Variants in DYNC1H1 observed in about 807,000 individuals in gnomAD.
DYNC1H1 encodes the protein dynein cytoplasmic 1 heavy chain 1.
Under a neutral mutation model 527.1 loss-of-function variants are expected in DYNC1H1, and 51 were observed. The ratio of observed to expected loss-of-function variants is 0.10; its 90% CI spans 0.08 to 0.12. The LOEUF (loss-of-function observed/expected upper bound fraction) is 0.12. Among genes scored for constraint, DYNC1H1 ranks in the 10% least tolerant of loss-of-function variants. DYNC1H1 has a pLI of 1.00. For missense variants in DYNC1H1, 2,771 were observed against 5,971.8 expected, an observed-to-expected ratio of 0.46 and a Z score of 17.66; for synonymous variants, 2,189 against 2,278.8, an observed-to-expected ratio of 0.96 and a Z score of 1.12.
intron 10 of DYNC1H1, among the ~76,000 whole-genome samples, chr14:101,990,446 TA>T (rs1230466348): frequency 2.6e-4 from 40 of 152,296 alleles, no homozygotes; most frequent in Non-Finnish European, 5.6e-4. Context: ...CTGTCTGACT[TA>T]TGTTCTTTTG....
At position 102,047,999 on chromosome 14, in the gene DYNC1H1, C is replaced by T. The variant is rs2152600243; in HGVS notation, c.13189C>T (p.His4397Tyr). 6.2e-7 allele frequency: 1 copy of T among 1,612,098 alleles called. No homozygotes were observed. Among genetic ancestry groups the T allele is most frequent in the Non-Finnish European group, 8.5e-7 (1 of 1,179,942 alleles). Residue 4397 changes from histidine (H) to tyrosine (Y), a missense_variant, in exon 73 of 78, where the codon CAC becomes TAC. His to Tyr is a moderately conservative substitution (Grantham distance 83). Coordinates refer to ENST00000360184, the MANE Select transcript of DYNC1H1 (RefSeq NM_001376.5). ...GCACCTCATCCCCCAGACGCTGAGC[C>T]ACCTCAAGCGCACCGTGGAGAATAT... is the stretch of plus-strand genomic sequence containing the variant. ...WLHLIPQTLSHLKRTVENIKD... is the reference protein window; with the variant it reads ...WLHLIPQTLSYLKRTVENIKD...
Position 101,979,551 on chromosome 14 carries a change from T to G in DYNC1H1, c.518+59T>G, listed in dbSNP as rs2047839706. 3 of 1,612,382 alleles carry G rather than the reference T, an allele frequency of 1.9e-6. No homozygotes were observed. The highest frequency in any genetic ancestry group is 1.7e-5 in the Admixed American group (1 of 59,980). Reference sequence around the variant, plus strand: ...TAATGTTCACAAGATAGTATAGAACTCGGTGTAAAACTTGGGAATTGGGAG... The same window carrying G: ...TAATGTTCACAAGATAGTATAGAACGCGGTGTAAAACTTGGGAATTGGGAG... On this transcript the variant is annotated intron_variant, in intron 3 of 77. Coordinates refer to ENST00000360184, the MANE Select transcript of DYNC1H1 (RefSeq NM_001376.5). The surrounding 1 kb of genome is among the most constrained non-coding windows in gnomAD (Gnocchi z 4.6).
chr14:102,014,946 G>A (rs938168364), intron 34 of DYNC1H1, among the ~76,000 whole-genome samples, 159 bp from the exon 35 acceptor site: 7 of 152,064 alleles, frequency 4.6e-5, no homozygotes, highest in Non-Finnish European at 1.0e-4. Flanking sequence ...CTCCCAAGTA[G>A]CTGCAATTAC....
In DYNC1H1 at chr14:102,050,464, C is replaced by T. The variant is rs1278937449; in HGVS notation, c.13842C>T (p.Thr4614=). 1 of 1,614,206 alleles carries T rather than the reference C, an allele frequency of 6.2e-7. No individual in the cohort carries two copies. The highest frequency in any genetic ancestry group is 8.5e-7 in the Non-Finnish European group (1 of 1,180,052). The stretch of plus-strand genomic sequence containing the variant: ...CCTTACCTGTCTACCTGAACTTCAC[C>T]CGTGCAGACCTCATCTTCACCGTGG... The part of the protein sequence containing the change: ...VVTLPVYLNF[T]RADLIFTVDF... Residue 4614 remains threonine, a synonymous_variant, in exon 78 of 78, where the codon ACC becomes ACT. Transcript: ENST00000360184.
chr14:101,986,757 A>G lies in DYNC1H1; in HGVS notation c.2532A>G (p.Gln844=), dbSNP rs1174175150. ...TAGCAGAGACTGTCTTCAACTTCCA[A>G]GAAAAGGTATGCTCTCATGTAATCC... is the stretch of plus-strand genomic sequence containing the variant. ...QRLAETVFNF[Q]EKVDDLLIIE... The change falls in exon 8 of 78, where the codon CAA becomes CAG. Residue 844 remains glutamine (Q), a synonymous_variant. Coordinates refer to ENST00000360184, the MANE Select transcript of DYNC1H1 (RefSeq NM_001376.5). The surrounding 1 kb of genome is among the most constrained non-coding windows in gnomAD (Gnocchi z 8.7). 1.2e-6 allele frequency: 2 copies of G among 1,614,192 alleles called. No homozygotes were observed. Among genetic ancestry groups the G allele is most frequent in the South Asian group, 1.1e-5 (1 of 91,084 alleles).
In DYNC1H1 at chr14:102,050,967, G is replaced by C. The variant is rs1230097189; in HGVS notation, c.*404G>C. ...AATGAAGACCTTGGGGCCCTTCACA[G>C]ACACAGATGCAGCCAGCTGTGGCTC... On this transcript the variant is annotated 3_prime_UTR_variant, in exon 78 of 78. Coordinates refer to ENST00000360184, the MANE Select transcript of DYNC1H1 (RefSeq NM_001376.5). The C allele has an allele frequency of 3.3e-6, 1 of 303,478 alleles. No homozygotes were observed. The highest frequency in any genetic ancestry group is 6.4e-6 in the Non-Finnish European group (1 of 157,250). 18.8% of individuals were successfully genotyped at this position (303,478 alleles called of 1,614,324 possible).
intron 9 of DYNC1H1, among the ~76,000 whole-genome samples, chr14:101,988,240 T>C (rs2141276240): frequency 6.6e-6 from 1 of 152,312 alleles, no homozygotes; most frequent in Non-Finnish European, 1.5e-5. Flanking sequence ...GTGTTACCTT[T>C]TCTAGCCCTC....
Position 102,039,688 on chromosome 14 carries a change from C to T in DYNC1H1, c.11646C>T (p.Thr3882=), listed in dbSNP as rs530450786. 1 of 1,614,222 alleles carries T rather than the reference C, an allele frequency of 6.2e-7. No individual in the cohort carries two copies. Among genetic ancestry groups the T allele is most frequent in the South Asian group, 1.1e-5 (1 of 91,088 alleles). The change falls in exon 62 of 78, where the codon ACC becomes ACT. Residue 3882 remains threonine, a synonymous_variant. Coordinates refer to ENST00000360184, the MANE Select transcript of DYNC1H1 (RefSeq NM_001376.5). The surrounding 1 kb of genome is among the most constrained non-coding windows in gnomAD (Gnocchi z 7.0). ...GCATGCTGCATCAGGACCACATTAC[C>T]TTTGCCATGCTGCTGGCAAGAATCA... ...ARGMLHQDHI[T]FAMLLARIKL... is the part of the protein sequence containing the mutation.
intron 18 of DYNC1H1, 103 bp from the exon 19 acceptor site, chr14:102,000,851 G>A (rs1374115096): frequency 9.5e-7 from 1 of 1,049,122 alleles, no homozygotes; most frequent in African/African-American, 1.6e-5. Flanking sequence ...GGGATTACAG[G>A]CATGAGCCAC....
At chr14:102,048,138 C>T (rs761380194) in intron 73 of DYNC1H1, 110 bp downstream of exon 73, 16 of 1,364,886 alleles carry the variant, frequency 1.2e-5, no homozygotes, top group Non-Finnish European at 1.5e-5. Flanking sequence ...ACGGAACGTA[C>T]TCACACCGGT....
rs34162363 is a variant in DYNC1H1, at chr14:101,984,401, A to ATGTGTG, written c.1461+818_1461+823dup. Among the ~76,000 whole-genome samples, 410 of 102,394 alleles carry ATGTGTG rather than the reference A, an allele frequency of 4.0e-3. 2 individuals are homozygous for ATGTGTG. The highest frequency in any genetic ancestry group is 0.015 in the African/African-American group (318 of 21,498). 67.2% of individuals were successfully genotyped at this position (102,394 alleles called of 152,430 possible). On this transcript the variant is annotated intron_variant, in intron 7 of 77. Transcript: ENST00000360184. ...TGTGTGTATATATATATGCGTATAT[A>ATGTGTG]TGTGTGTGTGTGTGTGTGTGTGTGT...
At position 101,979,259 on chromosome 14, in the gene DYNC1H1, A is replaced by G; in HGVS notation, c.345-60A>G. 2 of 1,536,730 alleles carry G rather than the reference A, an allele frequency of 1.3e-6. No homozygotes were observed. The highest frequency in any genetic ancestry group is 2.2e-5 in the East Asian group (1 of 44,512). ...CAGTATATTCTTGTATGATTTTTAA[A>G]TTAATAAGCCTAATTAGGAGTGTAA... is the stretch of plus-strand genomic sequence containing the variant. On this transcript the variant is annotated intron_variant, in intron 2 of 77. Coordinates refer to ENST00000360184, the MANE Select transcript of DYNC1H1 (RefSeq NM_001376.5). This position sits in a 1 kb window ranked among gnomAD's most constrained non-coding sequence, Gnocchi z 4.6.
In DYNC1H1 at chr14:102,042,381, C is replaced by T. The variant is rs1443280002; in HGVS notation, c.12276-3C>T. 18 of 1,614,030 alleles carry T rather than the reference C, an allele frequency of 1.1e-5. No individual in the cohort carries two copies. The highest frequency in any genetic ancestry group is 1.5e-5 in the Non-Finnish European group (18 of 1,180,050). On this transcript the variant is annotated splice_region_variant and splice_polypyrimidine_tract_variant and intron_variant, in intron 67 of 77. Coordinates refer to ENST00000360184, the MANE Select transcript of DYNC1H1 (RefSeq NM_001376.5). This position sits in a 1 kb window ranked among gnomAD's most constrained non-coding sequence, Gnocchi z 5.7. The stretch of plus-strand genomic sequence containing the variant: ...CTGTGTGACTCTCACTTTGTGTGTG[C>T]AGGTGGGTGATGCTGAAGAATGTGC...
chr14:102,018,578 C>T lies in DYNC1H1; in HGVS notation c.8305C>T (p.Leu2769Phe). The T allele has an allele frequency of 6.2e-7, 1 of 1,613,470 alleles. No individual in the cohort carries two copies. Among genetic ancestry groups the T allele is most frequent in the East Asian group, 2.2e-5 (1 of 44,854 alleles). The change falls in exon 41 of 78, where the codon CTC (leucine) becomes TTC (phenylalanine). Residue 2769 changes from leucine to phenylalanine, a missense_variant. Leu to Phe is a conservative substitution (Grantham distance 22). Transcript: ENST00000360184. This position sits in a 1 kb window ranked among gnomAD's most constrained non-coding sequence, Gnocchi z 5.2. ...ATCCCTGCGGACGTATGCAGAGCCG[C>T]TCACTGCTGCCATGGTGGAGTTCTA... Reference protein sequence around the residue: ...IPSLRTYAEPLTAAMVEFYTM... With the variant: ...IPSLRTYAEPFTAAMVEFYTM...
At position 101,985,254 on chromosome 14, in the gene DYNC1H1, G is replaced by A. The variant is rs2047922022; in HGVS notation, c.1462-433G>A. ...ACATGGATAGTAATTACATATGCCT[G>A]AGATTTATAAAACAATTAAATGACT... is the stretch of plus-strand genomic sequence containing the variant. On this transcript the variant is annotated intron_variant, in intron 7 of 77. Coordinates refer to ENST00000360184, the MANE Select transcript of DYNC1H1 (RefSeq NM_001376.5). This position sits in a 1 kb window ranked among gnomAD's most constrained non-coding sequence, Gnocchi z 5.9. Among the ~76,000 whole-genome samples the A allele has an allele frequency of 6.6e-6, 1 of 152,090 alleles. No homozygotes were observed. Among genetic ancestry groups the A allele is most frequent in the Admixed American group, 6.6e-5 (1 of 15,266 alleles).
chr14:102,045,968 C>T (rs2048711996), intron 72 of DYNC1H1, among the ~76,000 whole-genome samples: 1 of 151,996 alleles, frequency 6.6e-6, no homozygotes, highest in Non-Finnish European at 1.5e-5. Context: ...AGATGGAGAC[C>T]ATCCTGGCTA....
At chr14:102,035,591 T>A in intron 56 of DYNC1H1, 1 of 152,216 alleles carries the variant, frequency 6.6e-6, no homozygotes, top group Non-Finnish European at 1.5e-5. Flanking sequence ...GTGTACCAGC[T>A]GAAGACTGGA....
Position 102,004,903 on chromosome 14 carries a change from A to C in DYNC1H1, c.5191A>C (p.Thr1731Pro), listed in dbSNP as rs1567007982. 2 of 1,614,226 alleles carry C rather than the reference A, an allele frequency of 1.2e-6. No individual in the cohort carries two copies. Among genetic ancestry groups the C allele is most frequent in the Non-Finnish European group, 1.7e-6 (2 of 1,180,052 alleles). The stretch of plus-strand genomic sequence containing the variant: ...GGAAGTTGAGATTTTTGGTAAAGCA[A>C]CTTCAATTGACCCAAATACCTACAT... ...VTEVEIFGKA[T>P]SIDPNTYITW... Residue 1731 changes from threonine to proline, a missense_variant, in exon 25 of 78, where the codon ACT becomes CCT. By Grantham distance (38) the Thr-to-Pro change is conservative. Around this residue, in one of 32 missense-constraint regions of DYNC1H1, gnomAD observed 105 missense variants for 138.1 expected, o/e 0.76. Transcript: ENST00000360184.
At chr14:101,970,631 T>G (rs1214319479) in intron 1 of DYNC1H1, among the ~76,000 whole-genome samples, 2 of 151,954 alleles carry the variant, frequency 1.3e-5, no homozygotes, top group African/African-American at 4.8e-5. Flanking sequence ...TACAGGCATG[T>G]GCCACCACGT....
Sources: allele counts gnomAD v4.1 joint callset (sites outside exome capture counted in the v4.1 genomes callset), GRCh38; gene constraint gnomAD v4.1.1; regional missense constraint gnomAD v4.1.1; non-coding constraint Gnocchi (gnomAD v3.1); transcripts MANE v1.5; gene names NCBI Gene and HGNC (gene_info 2026-07-23, HGNC 2026-07-21).